The following EBF3 variants were observed in gnomAD, a reference collection of about 807,000 sequenced individuals.
The protein encoded by EBF3 is EBF transcription factor 3, also known as transcription factor COE3.
In EBF3, 18 loss-of-function variants were observed where a neutral mutation model predicts 77.1. That is an observed-to-expected ratio of 0.23 (90% confidence interval 0.16 to 0.35). The LOEUF (loss-of-function observed/expected upper bound fraction) is 0.35, where lower values mean the gene tolerates loss of function less well. Ranked by LOEUF, EBF3 falls within the 10% of genes least tolerant of loss-of-function variation. The pLI, the probability that EBF3 is intolerant of heterozygous loss-of-function variation, is 1.00. For synonymous variants in EBF3, 350 were observed against 343.5 expected (o/e 1.02, Z -0.21); for missense variants, 558 against 860.0 (o/e 0.65, Z 4.39).
chr10:129,930,510 A>T (rs1308554311), intron 6 of EBF3, among the ~76,000 whole-genome samples: 2 of 137,940 alleles, frequency 1.4e-5, no homozygotes, highest in African/African-American at 2.8e-5. Flanking sequence ...ATATCTGTCT[A>T]TATCTATCTC....
Position 129,897,110 on chromosome 10 carries a change from T to C in EBF3, c.555-19261A>G, listed in dbSNP as rs537427128. On this transcript the variant is annotated intron_variant, in intron 6 of 16. Coordinates refer to ENST00000440978, the MANE Select transcript of EBF3 (RefSeq NM_001375380.1). This position sits in a 1 kb window ranked among gnomAD's most constrained non-coding sequence, Gnocchi z 4.6. ...ATGGGCCTAGACGGGCAGTTGGAGCTGGGAGACAGGAAGACAAAGCCGGTC... is the reference window on the plus strand; with the variant it reads ...ATGGGCCTAGACGGGCAGTTGGAGCCGGGAGACAGGAAGACAAAGCCGGTC... Among the ~76,000 whole-genome samples, 1 of 152,310 alleles carries C rather than the reference T, an allele frequency of 6.6e-6. No homozygotes were observed. The highest frequency in any genetic ancestry group is 1.9e-4 in the East Asian group (1 of 5,174).
At chr10:129,838,979 G>T in intron 16 of EBF3, 104 bp downstream of exon 16, 1 of 1,112,818 alleles carries the variant, frequency 9.0e-7, no homozygotes, top group Non-Finnish European at 1.2e-6. Flanking sequence ...CTGGTGTGGT[G>T]CCCGCTGATG....
At chr10:129,953,628 G>A (rs1412769773) in intron 6 of EBF3, among the ~76,000 whole-genome samples, 1 of 152,210 alleles carries the variant, frequency 6.6e-6, no homozygotes, top group Non-Finnish European at 1.5e-5. Context: ...CGCCGAGCCC[G>A]CTCCCAGCGC....
intron 11 of EBF3, chr10:129,845,282 C>T (rs1483748515): frequency 1.3e-5 from 2 of 152,186 alleles, no homozygotes; most frequent in Admixed American, 6.5e-5. Context: ...ACATTAGCAC[C>T]GAATGGTGTT....
chr10:129,963,230 GC>G lies in EBF3; in HGVS notation c.291+136del. On this transcript the variant is annotated intron_variant, in intron 2 of 16. Transcript: ENST00000440978. The surrounding 1 kb of genome is among the most constrained non-coding windows in gnomAD (Gnocchi z 7.1). Reference sequence around the variant, plus strand: ...GCCCAGCCCTCGGCGGTCCCGGGCGGCCGCACGTGGCGGCGGCGGGGTGGCC... The same window carrying G: ...GCCCAGCCCTCGGCGGTCCCGGGCGGCGCACGTGGCGGCGGCGGGGTGGCC... 7.7e-7 allele frequency: 1 copy of G among 1,304,308 alleles called. No individual in the cohort carries two copies. The highest frequency in any genetic ancestry group is 1.0e-6 in the Non-Finnish European group (1 of 997,442). 80.8% of individuals were successfully genotyped at this position (1,304,308 alleles called of 1,614,324 possible).
In EBF3 at chr10:129,938,225, G is replaced by C. The variant is rs946555782; in HGVS notation, c.554+19033C>G. 2.6e-5 allele frequency among the ~76,000 whole-genome samples: 4 copies of C among 152,074 alleles called. No homozygotes were observed. On this transcript the variant is annotated intron_variant, in intron 6 of 16. Coordinates refer to ENST00000440978, the MANE Select transcript of EBF3 (RefSeq NM_001375380.1). This position sits in a 1 kb window ranked among gnomAD's most constrained non-coding sequence, Gnocchi z 5.1. ...ACACAGACTGCTCTGTTCTAGAACG[G>C]AAATTAGTGGGTTTTTTTAAAGTTC...
intron 6 of EBF3, among the ~76,000 whole-genome samples, chr10:129,930,554 T>A (rs2134415229): frequency 6.8e-6 from 1 of 148,136 alleles, no homozygotes; most frequent in African/African-American, 2.5e-5. Flanking sequence ...TATACCTATA[T>A]CTATACCTGT....
At chr10:129,901,306 T>A (rs1187442690) in intron 6 of EBF3, among the ~76,000 whole-genome samples, 1 of 152,214 alleles carries the variant, frequency 6.6e-6, no homozygotes, top group Non-Finnish European at 1.5e-5. Context: ...TGCATGATTG[T>A]TTATTTTTAT....
At chr10:129,923,181 C>T (rs1051737377) in intron 6 of EBF3, among the ~76,000 whole-genome samples, 2 of 152,222 alleles carry the variant, frequency 1.3e-5, no homozygotes. Context: ...CCACAAGCCA[C>T]GTGCCTTCCA....
At chr10:129,911,621 G>A (rs959323026) in intron 6 of EBF3, among the ~76,000 whole-genome samples, 3 of 152,220 alleles carry the variant, frequency 2.0e-5, no homozygotes, top group African/African-American at 7.2e-5. Context: ...GATGGGAAGA[G>A]GGGTGAGGAG....
chr10:129,888,685 T>C (rs1853792848), intron 6 of EBF3, among the ~76,000 whole-genome samples: 1 of 152,196 alleles, frequency 6.6e-6, no homozygotes, highest in African/African-American at 2.4e-5. Context: ...CAATGCATTG[T>C]TTATGAAAAC....
rs1301437939 is a variant in EBF3, at chr10:129,864,928, T to C, written c.1039+2213A>G. 6.6e-6 allele frequency among the ~76,000 whole-genome samples: 1 copy of C among 152,228 alleles called. No homozygotes were observed. The highest frequency in any genetic ancestry group is 2.4e-5 in the African/African-American group (1 of 41,468). ...CATTTATGGAGTGCCTGCCATGTGT[T>C]AGACACTGTACATAAGTCATCCCCG... On this transcript the variant is annotated intron_variant, in intron 10 of 16. Coordinates refer to ENST00000440978, the MANE Select transcript of EBF3 (RefSeq NM_001375380.1). This position sits in a 1 kb window ranked among gnomAD's most constrained non-coding sequence, Gnocchi z 4.4.
chr10:129,851,585 T>C (rs1850887932), intron 10 of EBF3, among the ~76,000 whole-genome samples: 1 of 152,208 alleles, frequency 6.6e-6, no homozygotes, highest in Admixed American at 6.5e-5. Context: ...CTCCCAACTT[T>C]CTGCATGGAA....
chr10:129,846,339 G>T (rs149093115), intron 11 of EBF3, among the ~76,000 whole-genome samples: 1 of 151,810 alleles, frequency 6.6e-6, no homozygotes, highest in African/African-American at 2.4e-5. Flanking sequence ...ATCAAACCAC[G>T]TGCATTACGG....
At chr10:129,868,423 G>GA (rs1013814966) in intron 8 of EBF3, among the ~76,000 whole-genome samples, 4 of 152,000 alleles carry the variant, frequency 2.6e-5, no homozygotes, top group African/African-American at 7.2e-5. Flanking sequence ...TTTTCATCAG[G>GA]AAAAAAAATC....
At position 129,963,666 on chromosome 10, in the gene EBF3, C is replaced by G; in HGVS notation, c.103G>C (p.Gly35Arg). The G allele has an allele frequency of 6.6e-7, 1 of 1,507,044 alleles. No homozygotes were observed. The highest frequency in any genetic ancestry group is 8.9e-7 in the Non-Finnish European group (1 of 1,120,082). 93.4% of individuals were successfully genotyped at this position (1,507,044 alleles called of 1,614,324 possible). A position where few individuals can be genotyped will look rare whatever the true frequency, so the allele number is the denominator to read the frequency against. The change falls in exon 1 of 17, where the codon GGC becomes CGC. Residue 35 changes from glycine (G) to arginine (R), a missense_variant. By Grantham distance (125) the Gly-to-Arg change is moderately radical. This residue lies in a region of EBF3 where 64 missense variants were observed against 54.5 expected (regional missense o/e 1.18). Transcript: ENST00000440978. The surrounding 1 kb of genome is among the most constrained non-coding windows in gnomAD (Gnocchi z 7.1). ...GCGGCCGTGTTGGCGTCCACCACGC[C>G]CGCCGTGTGCATCCACGAGCGCACC... ...NPVRSWMHTAGVVDANTAAQS... is the reference protein window; with the variant it reads ...NPVRSWMHTARVVDANTAAQS...
chr10:129,853,561 C>G (rs74160297), intron 10 of EBF3, among the ~76,000 whole-genome samples: 3 of 152,088 alleles, frequency 2.0e-5, no homozygotes, highest in African/African-American at 7.2e-5. Flanking sequence ...GTTCCTTTTC[C>G]GAGGGACAAG....
In EBF3 at chr10:129,848,425, T is replaced by C. The variant is rs868403810; in HGVS notation, c.1095A>G (p.Pro365=). Residue 365 remains proline (P), a synonymous_variant, in exon 11 of 17, where the codon CCA becomes CCG. Transcript: ENST00000440978. The surrounding 1 kb of genome is among the most constrained non-coding windows in gnomAD (Gnocchi z 4.4). ...ACCTTTCGGGATCACCCGGATGTCT[T>C]GGGATCACTTTCTGCAACCTCTGAA... ...YGFQRLQKVI[P]RHPGDPERLP... The C allele has an allele frequency of 3.1e-6, 5 of 1,614,248 alleles. No homozygotes were observed. Among genetic ancestry groups the C allele is most frequent in the Middle Eastern group, 1.6e-4 (1 of 6,062 alleles).
chr10:129,855,573 C>T (rs1384552732), intron 10 of EBF3, among the ~76,000 whole-genome samples: 3 of 152,118 alleles, frequency 2.0e-5, no homozygotes, highest in African/African-American at 4.8e-5. Flanking sequence ...CTTCCCAAGG[C>T]GGAGGTTCTG....
Sources: allele counts gnomAD v4.1 joint callset (sites outside exome capture counted in the v4.1 genomes callset), GRCh38; gene constraint gnomAD v4.1.1; regional missense constraint gnomAD v4.1.1; non-coding constraint Gnocchi (gnomAD v3.1); transcripts MANE v1.5; gene names NCBI Gene and HGNC (gene_info 2026-07-23, HGNC 2026-07-21).